CDC14B: variants seen among roughly 807,000 people sequenced by gnomAD.
The protein encoded by CDC14B is cell division cycle 14B.
In CDC14B, 22 loss-of-function variants were observed where a neutral mutation model predicts 64.2. That is an observed-to-expected ratio of 0.34 (90% confidence interval 0.24 to 0.49). CDC14B has a LOEUF of 0.49. CDC14B is among the 20% of genes least tolerant of loss of function. The pLI is 0.99. For missense variants in CDC14B, 498 were observed against 629.9 expected, an observed-to-expected ratio of 0.79 and a Z score of 2.24; for synonymous variants, 191 against 215.8, an observed-to-expected ratio of 0.89 and a Z score of 1.01.
chr9:96,533,470 A>G (rs1050625256), intron 9 of CDC14B, among the ~76,000 whole-genome samples: 19 of 152,198 alleles, frequency 1.2e-4, no homozygotes, highest in African/African-American at 3.9e-4. Context: ...TAACAAAACT[A>G]TATTTCTTGT....
chr9:96,559,814 C>T (rs1842925282), intron 4 of CDC14B, among the ~76,000 whole-genome samples: 2 of 152,160 alleles, frequency 1.3e-5, no homozygotes, highest in South Asian at 2.1e-4. Context: ...CCAATCAAAT[C>T]AGTACTAACC....
exon 14 of CDC14B, chr9:96,491,603 G>C (rs183703506): frequency 6.6e-6 from 1 of 152,312 alleles, no homozygotes; most frequent in Non-Finnish European, 1.5e-5. Context: ...TCAGGGCTGT[G>C]TCATGAGTCA....
intron 1 of CDC14B, among the ~76,000 whole-genome samples, chr9:96,594,457 C>T (rs910482333): frequency 3.3e-5 from 5 of 152,000 alleles, no homozygotes; most frequent in Non-Finnish European, 7.4e-5. Context: ...TGGTGCACAC[C>T]TGTAATCTCA....
intron 4 of CDC14B, among the ~76,000 whole-genome samples, chr9:96,558,317 A>C (rs1461540338): frequency 3.3e-5 from 5 of 152,240 alleles, no homozygotes; most frequent in Non-Finnish European, 7.3e-5. Flanking sequence ...TCTCAACACA[A>C]AGAAATGACA....
rs560862139 is a variant in CDC14B, at chr9:96,542,534, G to A, written c.498-642C>T. The stretch of plus-strand genomic sequence containing the variant: ...TTTTATAGAGATAACGTCTTGCCCT[G>A]TTGCCCATGTTGGGGTGCAGTGCAG... On this transcript the variant is annotated intron_variant, in intron 5 of 13. Coordinates refer to ENST00000375241, the MANE Select transcript of CDC14B (RefSeq NM_033331.4). Among the ~76,000 whole-genome samples, 4 of 152,030 alleles carry A rather than the reference G, an allele frequency of 2.6e-5. No individual in the cohort carries two copies. The South Asian group carries it at 8.3e-4, about 32-fold the overall frequency.
At chr9:96,590,364 T>C (rs1452065268) in intron 1 of CDC14B, among the ~76,000 whole-genome samples, 1 of 152,238 alleles carries the variant, frequency 6.6e-6, no homozygotes, top group African/African-American at 2.4e-5. Context: ...GTTAGATACA[T>C]ACCAGATTTT....
At chr9:96,558,809 A>C (rs1030448657) in intron 4 of CDC14B, among the ~76,000 whole-genome samples, 23 of 152,266 alleles carry the variant, frequency 1.5e-4, no homozygotes, top group African/African-American at 5.1e-4. Context: ...TTGTAAAACA[A>C]TATAGTATGT....
At chr9:96,611,079 T>C (rs1847283266) in intron 1 of CDC14B, among the ~76,000 whole-genome samples, 1 of 147,020 alleles carries the variant, frequency 6.8e-6, no homozygotes, top group Non-Finnish European at 1.5e-5. Context: ...GCAGTATCCA[T>C]GAAAAGCTAT....
At chr9:96,499,468 G>A (rs559003238), downstream of CDC14B, among the ~76,000 whole-genome samples, 13 of 152,288 alleles carry the variant, frequency 8.5e-5, no homozygotes, top group South Asian at 6.2e-4. Context: ...GGCCGGTGCC[G>A]CCCGACCTTG....
At chr9:96,509,188 A>G (rs1458541434) in intron 13 of CDC14B, among the ~76,000 whole-genome samples, 1 of 152,180 alleles carries the variant, frequency 6.6e-6, no homozygotes, top group East Asian at 1.9e-4. Flanking sequence ...TTCTGCCTAC[A>G]CTCACTGAAG....
intron 5 of CDC14B, among the ~76,000 whole-genome samples, chr9:96,543,983 C>T (rs1840441142): frequency 1.3e-5 from 2 of 152,120 alleles, no homozygotes; most frequent in African/African-American, 2.4e-5. Context: ...CTTTGGGAGG[C>T]CGAGGCAGGT....
intron 1 of CDC14B, among the ~76,000 whole-genome samples, chr9:96,590,639 T>C (rs1410374674): frequency 6.6e-6 from 1 of 151,130 alleles, no homozygotes; most frequent in Admixed American, 6.6e-5. Flanking sequence ...CTCGCCAACA[T>C]TTATTTCCTG....
chr9:96,515,596 C>A lies in CDC14B; in HGVS notation c.1344-5807G>T. 1.4e-6 allele frequency: 2 copies of A among 1,457,638 alleles called. No homozygotes were observed. The highest frequency in any genetic ancestry group is 2.7e-5 in the East Asian group (1 of 37,680). 90.3% of individuals were successfully genotyped at this position (1,457,638 alleles called of 1,614,324 possible). A position where few individuals can be genotyped will look rare whatever the true frequency, so the allele number is the denominator to read the frequency against. Reference sequence around the variant, plus strand: ...GGAGAAAAACATGCATTGTGGGAACCACACTAGGCACCAGAAGTAAGCAAC... The same window carrying A: ...GGAGAAAAACATGCATTGTGGGAACAACACTAGGCACCAGAAGTAAGCAAC... On this transcript the variant is annotated intron_variant, in intron 12 of 13. Transcript: ENST00000375241. This position sits in a 1 kb window ranked among gnomAD's most constrained non-coding sequence, Gnocchi z 4.3.
At chr9:96,619,030 G>C (rs1218201789) in intron 1 of CDC14B, among the ~76,000 whole-genome samples, 189 bp downstream of exon 1, 1 of 151,736 alleles carries the variant, frequency 6.6e-6, no homozygotes, top group Non-Finnish European at 1.5e-5. Context: ...CTAGAAACTC[G>C]GGGCGGGGGG....
downstream of CDC14B, among the ~76,000 whole-genome samples, chr9:96,498,037 G>A (rs1322731605): frequency 1.3e-5 from 2 of 152,222 alleles, no homozygotes; most frequent in East Asian, 3.8e-4. Flanking sequence ...CACCGCCCAG[G>A]AAGAATTTCT....
intron 12 of CDC14B, among the ~76,000 whole-genome samples, chr9:96,520,324 T>C (rs1379499170): frequency 1.3e-5 from 2 of 151,918 alleles, no homozygotes; most frequent in African/African-American, 4.9e-5. Flanking sequence ...GAGCTACCTC[T>C]TTGTTTTTTA....
chr9:96,608,034 A>C (rs752394563), intron 1 of CDC14B, among the ~76,000 whole-genome samples: 29 of 152,284 alleles, frequency 1.9e-4, no homozygotes, highest in Non-Finnish European at 3.7e-4. Flanking sequence ...TTGACTCTCT[A>C]TGAGTTTTAC....
chr9:96,555,235 G>C (rs1842347770), intron 4 of CDC14B, among the ~76,000 whole-genome samples: 1 of 152,186 alleles, frequency 6.6e-6, no homozygotes, highest in Non-Finnish European at 1.5e-5. Context: ...TCAGAGGCTA[G>C]ATCATAAAAG....
intron 9 of CDC14B, among the ~76,000 whole-genome samples, chr9:96,525,916 T>G (rs1213153724): frequency 6.6e-6 from 1 of 152,188 alleles, no homozygotes; most frequent in African/African-American, 2.4e-5. Flanking sequence ...GGGGGCCAGA[T>G]GGCAGAATAT....
Sources: gnomAD v4.1 joint callset for allele counts (sites outside exome capture counted in the v4.1 genomes callset) on GRCh38, gnomAD v4.1.1 for gene constraint, Gnocchi (gnomAD v3.1) non-coding constraint, MANE v1.5 for transcripts, NCBI Gene and HGNC (gene_info 2026-07-23, HGNC 2026-07-21) for gene names.